Variants in GKAP1 observed in about 807,000 individuals in gnomAD.
The protein encoded by GKAP1 is G kinase-anchoring protein 1.
A neutral mutation model predicts 56.7 loss-of-function variants in GKAP1; 31 were observed. That is an observed-to-expected ratio of 0.55 (90% CI 0.41 to 0.74). GKAP1 has a LOEUF of 0.74. Among genes scored for constraint, GKAP1 ranks in the 30% least tolerant of loss-of-function variants. GKAP1 has a pLI of 0.00. For missense variants in GKAP1, 364 were observed against 402.3 expected, an observed-to-expected ratio of 0.90 and a Z score of 0.82; for synonymous variants, 151 against 138.6, an observed-to-expected ratio of 1.09 and a Z score of -0.63.
chr9:83,742,135 T>A, intron 11 of GKAP1, 106 bp from the exon 12 acceptor site: 1 of 699,874 alleles, frequency 1.4e-6, no homozygotes, highest in Non-Finnish European at 2.5e-6. Context: ...AATGGATGAG[T>A]AACAGAGAAG....
intron 3 of GKAP1, among the ~76,000 whole-genome samples, chr9:83,805,329 C>G (rs201134019): frequency 0.1 from 15,451 of 152,016 alleles, 1,011 homozygotes; most frequent in Non-Finnish European, 0.14. Flanking sequence ...ACAAACACTG[C>G]GGAAGGCCGC....
chr9:83,815,962 C>T (rs570656418), intron 2 of GKAP1, among the ~76,000 whole-genome samples: 7 of 145,442 alleles, frequency 4.8e-5, no homozygotes, highest in Non-Finnish European at 8.9e-5. Flanking sequence ...CAGAGGTGGG[C>T]AGATCACGAG....
chr9:83,808,523 G>A (rs1052658454), intron 2 of GKAP1, among the ~76,000 whole-genome samples: 6 of 152,108 alleles, frequency 3.9e-5, no homozygotes, highest in African/African-American at 1.4e-4. Context: ...CTTGAATCCA[G>A]GAAGTAGAGA....
intron 4 of GKAP1, 145 bp from the exon 5 acceptor site, chr9:83,788,823 A>G (rs1002790027): frequency 6.4e-6 from 3 of 472,172 alleles, no homozygotes; most frequent in Non-Finnish European, 7.5e-6. Flanking sequence ...TAACCATGCC[A>G]AACTAGGAAG....
intron 3 of GKAP1, among the ~76,000 whole-genome samples, chr9:83,801,842 A>T (rs1457915454): frequency 6.6e-6 from 1 of 152,242 alleles, no homozygotes; most frequent in African/African-American, 2.4e-5. Flanking sequence ...CTGAAAGGTT[A>T]TCATCCAGTG....
At chr9:83,809,022 G>T (rs1327117846) in intron 2 of GKAP1, among the ~76,000 whole-genome samples, 2 of 152,194 alleles carry the variant, frequency 1.3e-5, no homozygotes, top group Non-Finnish European at 2.9e-5. Context: ...GAGCAAGAAA[G>T]CAACTTTGCT....
rs568505791 is a variant in GKAP1, at chr9:83,816,356, C to T, written c.-44+640G>A. Among the ~76,000 whole-genome samples, 3 of 152,320 alleles carry T rather than the reference C, an allele frequency of 2.0e-5. No homozygotes were observed. In the South Asian group the frequency reaches 6.2e-4, roughly 32 times the overall value. On this transcript the variant is annotated intron_variant, in intron 2 of 12. Transcript: ENST00000376371. ...ATCCCTCTCCAATCTGCAGCTCCCA[C>T]TTTCTGCAGGCCAAGAAAGTTAAAC...
At chr9:83,774,404 C>G (rs1418478484) in intron 7 of GKAP1, among the ~76,000 whole-genome samples, 1 of 151,374 alleles carries the variant, frequency 6.6e-6, no homozygotes, top group Non-Finnish European at 1.5e-5. Flanking sequence ...GAGTTCAAGA[C>G]CAGCCTGGAC....
At chr9:83,780,438 A>G in intron 6 of GKAP1, 34 bp from the exon 7 acceptor site, 2 of 477,694 alleles carry the variant, frequency 4.2e-6, no homozygotes, top group Non-Finnish European at 7.6e-6. Context: ...ATGAAACTTT[A>G]TTGAAGGAAT....
At chr9:83,745,875 C>A (rs1453291338) in intron 10 of GKAP1, among the ~76,000 whole-genome samples, 1 of 151,976 alleles carries the variant, frequency 6.6e-6, no homozygotes, top group Non-Finnish European at 1.5e-5. Context: ...ATTGCAACCT[C>A]TGCCTCCTGT....
At chr9:83,782,660 CTTTTTTTTTT>C (rs772629569) in intron 6 of GKAP1, among the ~76,000 whole-genome samples, 110 of 117,440 alleles carry the variant, frequency 9.4e-4, no homozygotes, top group Non-Finnish European at 1.5e-3. Context: ...CGCGCCCAGC[CTTTTTTTTTT>C]TTTTTTTTTT....
At chr9:83,746,991 G>A (rs574803496) in intron 10 of GKAP1, among the ~76,000 whole-genome samples, 150 of 152,200 alleles carry the variant, frequency 9.9e-4, no homozygotes, top group African/African-American at 3.4e-3. Context: ...AATTTCTTAA[G>A]AGCTATACAA....
At chr9:83,781,968 C>T (rs752249560) in intron 6 of GKAP1, among the ~76,000 whole-genome samples, 5 of 151,198 alleles carry the variant, frequency 3.3e-5, no homozygotes, top group Non-Finnish European at 5.9e-5. Context: ...CTCAGCCTCC[C>T]GAGTAGTTGG....
chr9:83,789,414 A>G (rs1265570886), intron 4 of GKAP1, among the ~76,000 whole-genome samples: 1 of 152,200 alleles, frequency 6.6e-6, no homozygotes, highest in South Asian at 2.1e-4. Flanking sequence ...ACTACTGGGC[A>G]TAAGGTGAGT....
chr9:83,768,682 G>A (rs535993081), intron 8 of GKAP1, 136 bp downstream of exon 8: 379 of 719,618 alleles, frequency 5.3e-4, no homozygotes, highest in Non-Finnish European at 8.1e-4. Context: ...ATACCTTTGC[G>A]TGATAATTAC....
rs541745700 is a variant in GKAP1 at position 83,774,014 on chromosome 9, C to T, written c.586-5044G>A. The stretch of plus-strand genomic sequence containing the variant: ...ATTTTGTAGACAGTTTTGCTCTAGG[C>T]ACGTGCCATCACACCCGGCTAATTT... On this transcript the variant is annotated intron_variant, in intron 7 of 12. Transcript: ENST00000376371. Among the ~76,000 whole-genome samples, 7 of 152,026 alleles carry T rather than the reference C, an allele frequency of 4.6e-5. No individual in the cohort carries two copies. The South Asian group carries it at 1.5e-3, about 32-fold the overall frequency.
intron 3 of GKAP1, among the ~76,000 whole-genome samples, chr9:83,804,723 G>A (rs1336942229): frequency 6.7e-6 from 1 of 149,816 alleles, no homozygotes; most frequent in Admixed American, 6.6e-5. Flanking sequence ...GAGGGAGGTG[G>A]GGTCAGCCCC....
chr9:83,743,886 T>C (rs1407663729), intron 10 of GKAP1, among the ~76,000 whole-genome samples: 1 of 152,138 alleles, frequency 6.6e-6, no homozygotes, highest in African/African-American at 2.4e-5. Flanking sequence ...AGAACTTCCT[T>C]AACTCATGGT....
At chr9:83,804,938 C>T in intron 3 of GKAP1, among the ~76,000 whole-genome samples, 1 of 152,112 alleles carries the variant, frequency 6.6e-6, no homozygotes. Context: ...AGGAGCCCCT[C>T]TGCCCGGCCA....
Sources: allele counts gnomAD v4.1 joint callset (sites outside exome capture counted in the v4.1 genomes callset), GRCh38; gene constraint gnomAD v4.1.1; transcripts MANE v1.5; gene names NCBI Gene and HGNC (gene_info 2026-07-23, HGNC 2026-07-21).